Variants in GABRR2 observed in about 807,000 individuals in gnomAD.
GABRR2 encodes gamma-aminobutyric acid type A receptor subunit rho2.
GABRR2 carries 36 observed loss-of-function variants against 47.0 expected under a neutral mutation model. That is an observed-to-expected ratio of 0.77 (90% confidence interval 0.59 to 1.01). The LOEUF (loss-of-function observed/expected upper bound fraction) is 1.01. GABRR2 is among the 50% of genes least tolerant of loss of function. The pLI, the probability that GABRR2 is intolerant of heterozygous loss-of-function variation, is 0.00. For missense variants in GABRR2, 587 were observed against 594.6 expected (o/e 0.99, Z 0.13); for synonymous variants, 204 against 227.5 (o/e 0.90, Z 0.93).
intron 8 of GABRR2, among the ~76,000 whole-genome samples, chr6:89,263,172 G>A (rs959732775): frequency 1.3e-5 from 2 of 152,220 alleles, no homozygotes; most frequent in African/African-American, 4.8e-5. Flanking sequence ...AGCCTACTCA[G>A]AGTGAAGATG....
In GABRR2 at chr6:89,257,852, T is replaced by C. The variant is rs987396931; in HGVS notation, c.1216A>G (p.Lys406Glu). ...HILTEEERQDKIVVHLGLSGE... is the reference protein window; with the variant it reads ...HILTEEERQDEIVVHLGLSGE... ...CTCAGGCCCAGGTGGACCACTATTT[T>C]GTCTTGCCTTTCTTCTTCTGTCAGG... is the stretch of plus-strand genomic sequence containing the variant. The change falls in exon 9 of 9, where the codon AAA becomes GAA. Residue 406 changes from lysine (K) to glutamate (E), a missense_variant. Coordinates refer to ENST00000402938, the MANE Select transcript of GABRR2 (RefSeq NM_002043.5). The C allele has an allele frequency of 6.2e-7, 1 of 1,614,084 alleles. No homozygotes were observed. The highest frequency in any genetic ancestry group is 1.1e-5 in the South Asian group (1 of 91,092).
At position 89,307,250 on chromosome 6, in the gene GABRR2, G is replaced by A. The variant is rs762148647; in HGVS notation, c.114-7385C>T. ...CAGAACAACCAAATTCACCTCTCTG[G>A]GGTGAATTCCCTAGCTATTCCCATG... On this transcript the variant is annotated intron_variant, in intron 1 of 8. Coordinates refer to ENST00000402938, the MANE Select transcript of GABRR2 (RefSeq NM_002043.5). Among the ~76,000 whole-genome samples the A allele has an allele frequency of 3.6e-4, 55 of 152,190 alleles. 1 individual carries two copies. Among genetic ancestry groups the A allele is most frequent in the Admixed American group, 3.9e-4 (6 of 15,286 alleles).
chr6:89,295,426 G>A (rs1774536757), intron 2 of GABRR2, among the ~76,000 whole-genome samples: 1 of 152,176 alleles, frequency 6.6e-6, no homozygotes, highest in Non-Finnish European at 1.5e-5. Flanking sequence ...TCTGTTGGCT[G>A]CATTAATGTC....
Position 89,264,480 on chromosome 6 carries a change from G to C in GABRR2, c.1018C>G (p.Leu340Val). Reference protein sequence around the residue: ...VSFVFVFLSVLEYAAVNYLTT... With the variant: ...VSFVFVFLSVVEYAAVNYLTT... ...AGGTAGTTGACAGCCGCATACTCCA[G>C]CACCGAGAGGAACACGAACACAAAG... The change falls in exon 8 of 9, where the codon CTG becomes GTG. Residue 340 changes from leucine (L) to valine (V), a missense_variant. Coordinates refer to ENST00000402938, the MANE Select transcript of GABRR2 (RefSeq NM_002043.5). The C allele has an allele frequency of 6.2e-7, 1 of 1,613,984 alleles. No individual in the cohort carries two copies. The highest frequency in any genetic ancestry group is 8.5e-7 in the Non-Finnish European group (1 of 1,179,970).
chr6:89,258,051 G>A, intron 8 of GABRR2, 70 bp from the exon 9 acceptor site: 3 of 1,421,590 alleles, frequency 2.1e-6, no homozygotes, highest in Non-Finnish European at 2.8e-6. Flanking sequence ...CCTGGCCCAA[G>A]AGCAAAGCCA....
At chr6:89,272,260 G>A (rs942291124) in intron 2 of GABRR2, among the ~76,000 whole-genome samples, 1 of 152,200 alleles carries the variant, frequency 6.6e-6, no homozygotes, top group Non-Finnish European at 1.5e-5. Flanking sequence ...TTCTCTGTGC[G>A]ATGTCACATC....
At chr6:89,292,743 A>C (rs1407581206) in intron 2 of GABRR2, among the ~76,000 whole-genome samples, 2 of 91,126 alleles carry the variant, frequency 2.2e-5, no homozygotes, top group African/African-American at 4.3e-5. Context: ...ATCATATATA[A>C]TCGTATATAT....
chr6:89,296,990 C>A (rs115475800), intron 2 of GABRR2, among the ~76,000 whole-genome samples: 1 of 152,090 alleles, frequency 6.6e-6, no homozygotes, highest in African/African-American at 2.4e-5. Flanking sequence ...AGGTGATGGC[C>A]CAGGCTCCTG....
intron 6 of GABRR2, 121 bp from the exon 7 acceptor site, chr6:89,265,886 AC>A: frequency 1.1e-6 from 1 of 928,772 alleles, no homozygotes; most frequent in Non-Finnish European, 1.6e-6. Context: ...GAAATTAATG[AC>A]CAGTTGGCTT....
intron 2 of GABRR2, among the ~76,000 whole-genome samples, chr6:89,274,314 C>A (rs1324805384): frequency 1.3e-5 from 2 of 152,158 alleles, no homozygotes; most frequent in African/African-American, 4.8e-5. Context: ...CAACAGAGAC[C>A]AAAGGCCCTG....
At chr6:89,259,942 T>A (rs1773709215) in intron 8 of GABRR2, among the ~76,000 whole-genome samples, 1 of 150,878 alleles carries the variant, frequency 6.6e-6, no homozygotes, top group African/African-American at 2.4e-5. Context: ...TCCTGCTTTA[T>A]TATTACCCAG....
chr6:89,302,952 G>C (rs947051544), intron 1 of GABRR2: 1 of 1,237,410 alleles, frequency 8.1e-7, no homozygotes, highest in African/African-American at 1.5e-5. Context: ...TCCTACACTG[G>C]TACATGGGCA....
In GABRR2 at chr6:89,254,741, T is replaced by A. The variant is rs112052123; in HGVS notation, c.*2929A>T. Among the ~76,000 whole-genome samples the A allele has an allele frequency of 0.02, 3,077 of 152,286 alleles. 46 individuals carry two copies. The highest frequency in any genetic ancestry group is 0.031 in the Middle Eastern group (9 of 294). Reference sequence around the variant, plus strand: ...TCCCATGTTCTCACTATTTCCTTAGTTCCTGTTTTCTACTCCTACCAATGT... The same window carrying A: ...TCCCATGTTCTCACTATTTCCTTAGATCCTGTTTTCTACTCCTACCAATGT... On this transcript the variant is annotated 3_prime_UTR_variant, in exon 9 of 9. Transcript: ENST00000402938.
At position 89,265,421 on chromosome 6, in the gene GABRR2, C is replaced by T. The variant is rs531858603; in HGVS notation, c.889+192G>A. 3.2e-4 allele frequency among the ~76,000 whole-genome samples: 48 copies of T among 152,164 alleles called. 2 individuals carry two copies. In the South Asian group the frequency reaches 9.6e-3, roughly 30 times the overall value. Reference sequence around the variant, plus strand: ...ATCACAGTTGATGTTGTTTTAGCTCCCTGTGGCTCTCATAATGTGGAGGAA... The same window carrying T: ...ATCACAGTTGATGTTGTTTTAGCTCTCTGTGGCTCTCATAATGTGGAGGAA... On this transcript the variant is annotated intron_variant, in intron 7 of 8. Coordinates refer to ENST00000402938, the MANE Select transcript of GABRR2 (RefSeq NM_002043.5).
chr6:89,314,665 T>C (rs569801383), intron 1 of GABRR2, among the ~76,000 whole-genome samples: 4 of 152,202 alleles, frequency 2.6e-5, no homozygotes, highest in Admixed American at 2.6e-4. Flanking sequence ...GGTTCCTATA[T>C]ACAGTTCTCC....
intron 2 of GABRR2, among the ~76,000 whole-genome samples, chr6:89,286,967 A>G (rs1774343650): frequency 6.6e-6 from 1 of 152,150 alleles, no homozygotes; most frequent in African/African-American, 2.4e-5. Flanking sequence ...CATTTCTCCT[A>G]AAATGTAGCA....
At position 89,256,733 on chromosome 6, in the gene GABRR2, A is replaced by G. The variant is rs768041188; in HGVS notation, c.*937T>C. 1.2e-4 allele frequency among the ~76,000 whole-genome samples: 19 copies of G among 152,176 alleles called. No homozygotes were observed. Among genetic ancestry groups the G allele is most frequent in the African/African-American group, 2.4e-4 (10 of 41,444 alleles). On this transcript the variant is annotated 3_prime_UTR_variant, in exon 9 of 9. Coordinates refer to ENST00000402938, the MANE Select transcript of GABRR2 (RefSeq NM_002043.5). ...AGCTATAAATCCATGACCGACCCCA[A>G]TAAAAAAACTGTACACCGTGGTGAG...
intron 7 of GABRR2, 116 bp from the exon 8 acceptor site, chr6:89,264,724 G>T: frequency 7.5e-7 from 1 of 1,329,950 alleles, no homozygotes; most frequent in East Asian, 2.4e-5. Context: ...AGTCCCAGGT[G>T]TGTTTCCACC....
chr6:89,314,023 T>G (rs1767720775), intron 1 of GABRR2, among the ~76,000 whole-genome samples: 1 of 145,278 alleles, frequency 6.9e-6, no homozygotes, highest in South Asian at 2.1e-4. Flanking sequence ...ATTCAGGGTT[T>G]TTTTTTTTTT....
Sources: allele counts gnomAD v4.1 joint callset (sites outside exome capture counted in the v4.1 genomes callset), GRCh38; gene constraint gnomAD v4.1.1; transcripts MANE v1.5; gene names NCBI Gene and HGNC (gene_info 2026-07-23, HGNC 2026-07-21).